ZHX2: variants seen among roughly 807,000 people sequenced by gnomAD.
The protein encoded by ZHX2 is zinc fingers and homeoboxes protein 2.
ZHX2 carries 6 observed loss-of-function variants against 21.9 expected under a neutral mutation model. The observed-to-expected ratio is 0.27, with a 90% CI of 0.15 to 0.54. ZHX2 has a LOEUF of 0.54. ZHX2 is among the 20% of genes least tolerant of loss of function. The pLI, the probability that ZHX2 is intolerant of heterozygous loss-of-function variation, is 0.95. For missense variants in ZHX2, 908 were observed against 1,090.7 expected (o/e 0.83, Z 2.36); for synonymous variants, 434 against 437.1 (o/e 0.99, Z 0.09).
At chr8:122,817,313 C>T (rs1818056139) in intron 1 of ZHX2, among the ~76,000 whole-genome samples, 1 of 152,198 alleles carries the variant, frequency 6.6e-6, no homozygotes, top group African/African-American at 2.4e-5. Flanking sequence ...TTTACAGGCC[C>T]TTTTATCCTG....
At chr8:122,963,291 T>C (rs1813501675) in intron 3 of ZHX2, among the ~76,000 whole-genome samples, 1 of 152,342 alleles carries the variant, frequency 6.6e-6, no homozygotes, top group Middle Eastern at 3.4e-3. Context: ...CTTGAGTTGA[T>C]TTTTGTATAA....
chr8:122,870,638 CAAAAAAAAAA>C lies in ZHX2; in HGVS notation c.-220+7118_-220+7127del, dbSNP rs59071295. 3.2e-3 allele frequency among the ~76,000 whole-genome samples: 206 copies of C among 63,910 alleles called. 3 individuals carry two copies. The highest frequency in any genetic ancestry group is 0.011 in the African/African-American group (185 of 16,120). The allele number at this position is 63,910 out of a possible 152,430, so 41.9% of individuals were successfully genotyped here. On this transcript the variant is annotated intron_variant, in intron 2 of 3. Transcript: ENST00000314393. ...TGGGTGACAGAGCAAGTCTCTGTCTCAAAAAAAAAAAAAAAAAAAAAAAAAAAAGAAAGAG... is the reference window on the plus strand; with the variant it reads ...TGGGTGACAGAGCAAGTCTCTGTCTCAAAAAAAAAAAAAAAAAAGAAAGAG...
intron 1 of ZHX2, among the ~76,000 whole-genome samples, chr8:122,820,686 C>T (rs1172346456): frequency 6.6e-6 from 1 of 152,132 alleles, no homozygotes; most frequent in Non-Finnish European, 1.5e-5. Context: ...TGATTTTATG[C>T]ATTTTTATAA....
At position 122,953,125 on chromosome 8, in the gene ZHX2, G is replaced by A. The variant is rs113667086; in HGVS notation, c.1615G>A (p.Gly539Ser). 1.3e-4 allele frequency: 204 copies of A among 1,613,784 alleles called. 1 individual carries two copies. In the African/African-American group the frequency reaches 2.0e-3, roughly 16 times the overall value. ...CCAGAAGTTCAAAGAGAAAACACAG[G>A]GTCAGGTTAAAATCTTGGAAGACAG... ...APQKFKEKTQ[G>S]QVKILEDSFL... The change falls in exon 3 of 4, where the codon GGT (glycine) becomes AGT (serine). Residue 539 changes from glycine (G) to serine (S), a missense_variant. By Grantham distance (56) the Gly-to-Ser change is moderately conservative (BLOSUM62 0). Transcript: ENST00000314393. This position sits in a 1 kb window ranked among gnomAD's most constrained non-coding sequence, Gnocchi z 4.6.
chr8:122,879,191 G>GT (rs966309542), intron 2 of ZHX2, among the ~76,000 whole-genome samples: 93 of 151,868 alleles, frequency 6.1e-4, no homozygotes, highest in Non-Finnish European at 9.4e-4. Context: ...AGGCCTAAGG[G>GT]TTTTTTTTGT....
intron 1 of ZHX2, among the ~76,000 whole-genome samples, chr8:122,788,621 C>G (rs954764895): frequency 6.6e-6 from 1 of 152,086 alleles, no homozygotes; most frequent in African/African-American, 2.4e-5. Flanking sequence ...GGGTTAAGTA[C>G]TTATTCAAGG....
intron 2 of ZHX2, among the ~76,000 whole-genome samples, chr8:122,947,814 C>T (rs571584810): frequency 7.0e-6 from 1 of 143,596 alleles, no homozygotes; most frequent in East Asian, 2.0e-4. Context: ...TGAAGGGCGG[C>T]GGGAGAGGGG....
intron 2 of ZHX2, among the ~76,000 whole-genome samples, chr8:122,875,552 A>G (rs531543111): frequency 6.6e-6 from 1 of 152,136 alleles, no homozygotes; most frequent in Non-Finnish European, 1.5e-5. Flanking sequence ...GGTGACTTTC[A>G]TAAGATTTGT....
At chr8:122,791,393 T>C (rs947734340) in intron 1 of ZHX2, among the ~76,000 whole-genome samples, 4 of 152,086 alleles carry the variant, frequency 2.6e-5, no homozygotes, top group East Asian at 1.9e-4. Flanking sequence ...AAGTAGCTGA[T>C]TGGGAGCCCT....
intron 1 of ZHX2, among the ~76,000 whole-genome samples, chr8:122,832,702 G>C (rs944270104): frequency 2.6e-5 from 4 of 152,170 alleles, no homozygotes; most frequent in East Asian, 1.9e-4. Context: ...CTAGAAAAGA[G>C]AGAATTTCTT....
intron 1 of ZHX2, among the ~76,000 whole-genome samples, chr8:122,853,880 G>C (rs1191970764): frequency 6.6e-6 from 1 of 152,170 alleles, no homozygotes; most frequent in East Asian, 1.9e-4. Context: ...GTGAGGAACA[G>C]GGAACGTCTG....
intron 2 of ZHX2, among the ~76,000 whole-genome samples, chr8:122,950,769 A>G (rs1813090022): frequency 6.6e-6 from 1 of 152,032 alleles, no homozygotes. Flanking sequence ...GAGATGAACT[A>G]TAAAACTGCA....
At chr8:122,888,639 C>T (rs1316662404) in intron 2 of ZHX2, among the ~76,000 whole-genome samples, 1 of 152,164 alleles carries the variant, frequency 6.6e-6, no homozygotes, top group African/African-American at 2.4e-5. Context: ...TACGCTGCCA[C>T]ATCTGGCTAA....
chr8:122,845,554 G>A (rs975642538), intron 1 of ZHX2, among the ~76,000 whole-genome samples: 11 of 152,142 alleles, frequency 7.2e-5, no homozygotes, highest in African/African-American at 2.7e-4. Flanking sequence ...CCTTATATCT[G>A]AAAAGCATAT....
chr8:122,807,991 C>T (rs943538947), intron 1 of ZHX2, among the ~76,000 whole-genome samples: 2 of 152,190 alleles, frequency 1.3e-5, no homozygotes, highest in Non-Finnish European at 2.9e-5. Context: ...TCCAAGGTCA[C>T]CCAGCCTTGT....
At chr8:122,836,587 C>T (rs1349970231) in intron 1 of ZHX2, among the ~76,000 whole-genome samples, 1 of 152,216 alleles carries the variant, frequency 6.6e-6, no homozygotes, top group Non-Finnish European at 1.5e-5. Context: ...AAAATGGCAT[C>T]AGCACCAAGT....
intron 2 of ZHX2, among the ~76,000 whole-genome samples, chr8:122,931,454 C>T (rs1435453223): frequency 3.3e-5 from 5 of 152,174 alleles, no homozygotes; most frequent in Admixed American, 2.6e-4. Flanking sequence ...CGCCTTATGT[C>T]ATCTGATCCT....
intron 2 of ZHX2, among the ~76,000 whole-genome samples, chr8:122,864,916 G>A (rs11776799): frequency 0.14 from 21,428 of 152,126 alleles, 1,752 homozygotes; most frequent in East Asian, 0.23. Flanking sequence ...CTGGGGTCTG[G>A]GTCAGCTGCA....
chr8:122,834,887 A>G (rs1262543511), intron 1 of ZHX2, among the ~76,000 whole-genome samples: 2 of 152,184 alleles, frequency 1.3e-5, no homozygotes, highest in African/African-American at 4.8e-5. Context: ...GAGACACACA[A>G]TTATGTGGTT....
Sources: allele counts gnomAD v4.1 joint callset (sites outside exome capture counted in the v4.1 genomes callset), GRCh38; gene constraint gnomAD v4.1.1; non-coding constraint Gnocchi (gnomAD v3.1); transcripts MANE v1.5; gene names NCBI Gene and HGNC (gene_info 2026-07-23, HGNC 2026-07-21).